The following PITPNC1 variants were observed in gnomAD, a reference collection of about 807,000 sequenced individuals.
PITPNC1 encodes cytoplasmic phosphatidylinositol transfer protein 1.
A neutral mutation model predicts 44.7 loss-of-function variants in PITPNC1; 18 were observed. The ratio of observed to expected loss-of-function variants is 0.40; its 90% CI spans 0.28 to 0.60. PITPNC1 has a LOEUF of 0.60. Ranked by LOEUF, PITPNC1 falls within the 20% of genes least tolerant of loss-of-function variation. The pLI is 0.39. For synonymous variants in PITPNC1, 141 were observed against 149.6 expected (o/e 0.94, Z 0.42); for missense variants, 290 against 418.4 (o/e 0.69, Z 2.68).
chr17:67,677,748 T>G (rs984319187), intron 8 of PITPNC1, among the ~76,000 whole-genome samples: 1 of 151,918 alleles, frequency 6.6e-6, no homozygotes, highest in African/African-American at 2.4e-5. Flanking sequence ...TTTTTTGTCT[T>G]TTTAGTAGAG....
intron 1 of PITPNC1, among the ~76,000 whole-genome samples, chr17:67,531,754 C>A (rs944428114): frequency 6.6e-6 from 1 of 152,210 alleles, no homozygotes; most frequent in Non-Finnish European, 1.5e-5. Flanking sequence ...ACTCAGGCCC[C>A]ACTCCCCCAT....
At chr17:67,651,369 C>T (rs892503787) in intron 6 of PITPNC1, among the ~76,000 whole-genome samples, 4 of 152,000 alleles carry the variant, frequency 2.6e-5, no homozygotes, top group African/African-American at 4.8e-5. Flanking sequence ...AAAAATCAGC[C>T]GGGTGTGCTG....
chr17:67,462,776 C>T (rs2039360115), intron 1 of PITPNC1, among the ~76,000 whole-genome samples: 1 of 148,128 alleles, frequency 6.8e-6, no homozygotes, highest in South Asian at 2.1e-4. Context: ...GATATCGGCT[C>T]ACCGCAACCT....
Position 67,692,670 on chromosome 17 carries a change from A to T in PITPNC1, c.781A>T (p.Ile261Phe). The T allele has an allele frequency of 1.2e-6, 2 of 1,613,694 alleles. No homozygotes were observed. Residue 261 changes from isoleucine (I) to phenylalanine (F), a missense_variant, in exon 9 of 9, where the codon ATC becomes TTC. Transcript: ENST00000581322. Reference sequence around the variant, plus strand: ...CCCACCTGCAATTTCTATCTCCAGCATCCCCCTGCTGCCTTCTTCCGTCCG... The same window carrying T: ...CCCACCTGCAATTTCTATCTCCAGCTTCCCCCTGCTGCCTTCTTCCGTCCG... ...IFPPAISISS[I>F]PLLPSSVRSA...
At chr17:67,614,334 A>T (rs564847843) in intron 5 of PITPNC1, among the ~76,000 whole-genome samples, 1 of 152,224 alleles carries the variant, frequency 6.6e-6, no homozygotes, top group Admixed American at 6.5e-5. Flanking sequence ...AAAATAAAGA[A>T]GTAGTATGAT....
intron 1 of PITPNC1, among the ~76,000 whole-genome samples, chr17:67,443,500 G>A (rs979063722): frequency 1.3e-4 from 19 of 151,658 alleles, no homozygotes; most frequent in African/African-American, 7.3e-5. Context: ...TCCTTGAGGC[G>A]AGCAACCGGG....
At chr17:67,414,175 T>C (rs938168833) in intron 1 of PITPNC1, among the ~76,000 whole-genome samples, 15 of 150,984 alleles carry the variant, frequency 9.9e-5, no homozygotes, top group African/African-American at 2.9e-4. Context: ...TTTCAAACCA[T>C]GGCCAAGTAA....
chr17:67,634,913 C>T (rs757479003), intron 6 of PITPNC1, among the ~76,000 whole-genome samples: 22 of 152,080 alleles, frequency 1.4e-4, no homozygotes, highest in Admixed American at 3.9e-4. Flanking sequence ...ATTGCCCGGG[C>T]ATGGTGGCAT....
chr17:67,604,510 C>T (rs1019619668), intron 5 of PITPNC1, among the ~76,000 whole-genome samples: 10 of 152,232 alleles, frequency 6.6e-5, no homozygotes, highest in African/African-American at 1.2e-4. Context: ...AGGCCAGGCA[C>T]GGTCACTCAC....
At chr17:67,434,973 G>T (rs1381692648) in intron 1 of PITPNC1, among the ~76,000 whole-genome samples, 1 of 151,618 alleles carries the variant, frequency 6.6e-6, no homozygotes, top group African/African-American at 2.4e-5. Context: ...GCTGGGCATG[G>T]TGGCGGGCAC....
chr17:67,406,368 A>G (rs202156371), intron 1 of PITPNC1, among the ~76,000 whole-genome samples: 5 of 151,968 alleles, frequency 3.3e-5, no homozygotes, highest in Non-Finnish European at 7.4e-5. Context: ...GTCACTCCCC[A>G]TTTCCCTGTT....
chr17:67,509,570 AT>A (rs2040153603), intron 1 of PITPNC1, among the ~76,000 whole-genome samples: 2 of 146,650 alleles, frequency 1.4e-5, no homozygotes, highest in African/African-American at 5.0e-5. Context: ...AAATAAATAA[AT>A]AAATAAATAA....
At chr17:67,665,790 G>T (rs1248038208) in intron 6 of PITPNC1, among the ~76,000 whole-genome samples, 1 of 151,884 alleles carries the variant, frequency 6.6e-6, no homozygotes, top group Non-Finnish European at 1.5e-5. Context: ...GAAAGGAGGA[G>T]CCCTCATTCT....
rs752307069 is a variant in PITPNC1 at position 67,471,449 on chromosome 17, C to CAA, written c.49-61353_49-61352insAA. ...ACATACAAGTCCTTGTGTGGACCTA[C>CAA]GTCTTCATTTGAGAGATTTTTTTCC... On this transcript the variant is annotated intron_variant, in intron 1 of 8. Coordinates refer to ENST00000581322, the MANE Select transcript of PITPNC1 (RefSeq NM_012417.4). 2,645 of 360,688 alleles carry CAA rather than the reference C, an allele frequency of 7.3e-3. 80 individuals carry two copies. In the East Asian group the frequency reaches 0.11, roughly 15 times the overall value. 22.3% of individuals were successfully genotyped at this position (360,688 alleles called of 1,614,324 possible). A position where few individuals can be genotyped will look rare whatever the true frequency, so the allele number is the denominator to read the frequency against.
rs150591135 is a variant in PITPNC1, at chr17:67,494,954, C to T, written c.49-37848C>T. On this transcript the variant is annotated intron_variant, in intron 1 of 8. Transcript: ENST00000581322. ...TGTCACTGAACTTCAGCCTGGGTGA[C>T]GGGGAGACCTCGTCTCAAACTGGCA... Among the ~76,000 whole-genome samples, 3 of 145,712 alleles carry T rather than the reference C, an allele frequency of 2.1e-5. No individual in the cohort carries two copies. In the East Asian group the frequency reaches 6.1e-4, roughly 30 times the overall value.
At chr17:67,589,186 T>G (rs1038716208) in intron 5 of PITPNC1, among the ~76,000 whole-genome samples, 1 of 152,224 alleles carries the variant, frequency 6.6e-6, no homozygotes, top group Non-Finnish European at 1.5e-5. Context: ...CACTGCTATT[T>G]GTGGTACAAT....
At chr17:67,673,535 T>A (rs1304901028) in intron 7 of PITPNC1, among the ~76,000 whole-genome samples, 17 of 152,192 alleles carry the variant, frequency 1.1e-4, no homozygotes, top group East Asian at 1.9e-4. Flanking sequence ...TCTATTCTAG[T>A]TCAGGTCTCT....
chr17:67,449,879 G>A lies in PITPNC1; in HGVS notation c.48+71677G>A, dbSNP rs575428897. 5.4e-4 allele frequency among the ~76,000 whole-genome samples: 82 copies of A among 152,098 alleles called. 1 individual carries two copies. The highest frequency in any genetic ancestry group is 1.1e-3 in the Non-Finnish European group (72 of 68,016). ...TAAAAAAATTCTTTTTGCAGAGATGGGGGTCTCACTATGTTGCTCAGGCTG... is the reference window on the plus strand; with the variant it reads ...TAAAAAAATTCTTTTTGCAGAGATGAGGGTCTCACTATGTTGCTCAGGCTG... On this transcript the variant is annotated intron_variant, in intron 1 of 8. Coordinates refer to ENST00000581322, the MANE Select transcript of PITPNC1 (RefSeq NM_012417.4).
intron 5 of PITPNC1, among the ~76,000 whole-genome samples, chr17:67,595,050 G>A (rs1437044236): frequency 2.0e-5 from 3 of 151,970 alleles, no homozygotes; most frequent in African/African-American, 7.3e-5. Context: ...TTTCTTTTTC[G>A]GTGGTATAGT....
Sources: gnomAD v4.1 joint callset for allele counts (sites outside exome capture counted in the v4.1 genomes callset) on GRCh38, gnomAD v4.1.1 for gene constraint, MANE v1.5 for transcripts, NCBI Gene and HGNC (gene_info 2026-07-23, HGNC 2026-07-21) for gene names.